PDE8B: variants seen among roughly 807,000 people sequenced by gnomAD.
PDE8B encodes the protein phosphodiesterase 8B, also known as high affinity cAMP-specific and IBMX-insensitive 3',5'-cyclic phosphodiesterase 8B.
PDE8B carries 26 observed loss-of-function variants against 101.3 expected under a neutral mutation model. The ratio of observed to expected loss-of-function variants is 0.26; its 90% CI spans 0.19 to 0.36. The LOEUF is 0.36. Among genes scored for constraint, PDE8B ranks in the 10% least tolerant of loss-of-function variants. PDE8B has a pLI of 1.00. For synonymous variants in PDE8B, 424 were observed against 429.3 expected (o/e 0.99, Z 0.15); for missense variants, 810 against 1,163.1 (o/e 0.70, Z 4.42).
intron 17 of PDE8B, among the ~76,000 whole-genome samples, chr5:77,415,351 A>ATTTTTTTTTTTTTTTTTTTTTTTTT (rs71606293): frequency 2.3e-5 from 2 of 88,736 alleles, no homozygotes; most frequent in Non-Finnish European, 2.1e-5. Context: ...ATAAGCTAAA[A>ATTTTTTTTTTTTTTTTTTTTTTTTT]TTTTTTTTTT....
chr5:77,310,593 G>T (rs1248182518), intron 1 of PDE8B, among the ~76,000 whole-genome samples: 2 of 152,244 alleles, frequency 1.3e-5, no homozygotes, highest in Non-Finnish European at 2.9e-5. Context: ...AAAGCCTCCA[G>T]TTGGTTTTCA....
the PDE8B span, among the ~76,000 whole-genome samples, chr5:77,135,095 G>A: frequency 2.6e-5 from 4 of 152,172 alleles, no homozygotes; most frequent in Admixed American, 6.5e-5. Context: ...CCTGATGTGA[G>A]GCTACTCTAA....
intron 19 of PDE8B, among the ~76,000 whole-genome samples, chr5:77,421,035 G>A (rs1464161664): frequency 1.3e-5 from 2 of 152,180 alleles, no homozygotes; most frequent in Admixed American, 1.3e-4. Context: ...TAAAAGTGGA[G>A]AATAACAATC....
At chr5:77,369,577 G>A (rs1784732365) in intron 10 of PDE8B, among the ~76,000 whole-genome samples, 1 of 152,140 alleles carries the variant, frequency 6.6e-6, no homozygotes, top group African/African-American at 2.4e-5. Flanking sequence ...TTTGTTTTGG[G>A]ACAGGCCCTA....
chr5:77,252,552 T>C (rs1758269402), intron 1 of PDE8B, among the ~76,000 whole-genome samples: 1 of 152,226 alleles, frequency 6.6e-6, no homozygotes. Flanking sequence ...GAAGTGGAAG[T>C]TCCCCATTCT....
At chr5:77,325,794 A>G (rs114701573) in intron 3 of PDE8B, 65 bp downstream of exon 3, 1 of 1,076,354 alleles carries the variant, frequency 9.3e-7, no homozygotes, top group African/African-American at 1.6e-5. Flanking sequence ...AATTTCATTT[A>G]TAGATATCTT....
chr5:77,199,227 T>C, the PDE8B span, among the ~76,000 whole-genome samples: 1 of 152,208 alleles, frequency 6.6e-6, no homozygotes. Context: ...ATTAAAAATG[T>C]AATCAGTGTG....
chr5:77,307,583 C>G (rs1771530236), intron 1 of PDE8B, among the ~76,000 whole-genome samples: 1 of 152,082 alleles, frequency 6.6e-6, no homozygotes, highest in Non-Finnish European at 1.5e-5. Flanking sequence ...TCAACAAATG[C>G]TACAAAATAG....
intron 11 of PDE8B, among the ~76,000 whole-genome samples, chr5:77,402,880 A>G (rs1792588593): frequency 6.6e-6 from 1 of 152,228 alleles, no homozygotes; most frequent in African/African-American, 2.4e-5. Context: ...GGTTTCCTTA[A>G]CTACTAGGCT....
At chr5:77,389,599 T>C (rs1789475469) in intron 10 of PDE8B, among the ~76,000 whole-genome samples, 1 of 152,162 alleles carries the variant, frequency 6.6e-6, no homozygotes, top group Non-Finnish European at 1.5e-5. Context: ...ATATTAAACC[T>C]TGCCGTCCCA....
intron 1 of PDE8B, among the ~76,000 whole-genome samples, chr5:77,229,894 A>G (rs188064338): frequency 6.6e-6 from 1 of 152,364 alleles, no homozygotes; most frequent in Admixed American, 6.5e-5. Context: ...TAATGCTGCT[A>G]TGAACATTCT....
chr5:77,412,861 G>A (rs532320276), intron 16 of PDE8B, among the ~76,000 whole-genome samples: 2 of 152,164 alleles, frequency 1.3e-5, no homozygotes, highest in African/African-American at 4.8e-5. Context: ...CAGAGCCACT[G>A]AGGGGCCTAT....
At chr5:77,244,397 A>G (rs1329902714) in intron 1 of PDE8B, among the ~76,000 whole-genome samples, 1 of 152,046 alleles carries the variant, frequency 6.6e-6, no homozygotes, top group Non-Finnish European at 1.5e-5. Flanking sequence ...ACGTATAGAG[A>G]TGGGACCAGG....
chr5:77,409,227 T>C (rs1394414247), intron 14 of PDE8B, among the ~76,000 whole-genome samples, 170 bp downstream of exon 14: 1 of 152,208 alleles, frequency 6.6e-6, no homozygotes, highest in Non-Finnish European at 1.5e-5. Context: ...TGCAGTGGTA[T>C]TTGAGTGACT....
At chr5:77,330,884 A>G (rs1220735202) in intron 4 of PDE8B, among the ~76,000 whole-genome samples, 1 of 152,036 alleles carries the variant, frequency 6.6e-6, no homozygotes, top group Non-Finnish European at 1.5e-5. Context: ...GCAATTATCC[A>G]TTTTTGTTTT....
At chr5:77,321,577 G>C (rs183954962) in intron 2 of PDE8B, among the ~76,000 whole-genome samples, 1 of 152,244 alleles carries the variant, frequency 6.6e-6, no homozygotes, top group Admixed American at 6.5e-5. Context: ...GGAACAAAGA[G>C]TCCAATTTGG....
chr5:77,096,936 A>G, the PDE8B span, among the ~76,000 whole-genome samples: 1 of 152,222 alleles, frequency 6.6e-6, no homozygotes, highest in African/African-American at 2.4e-5. Flanking sequence ...TAGGACTTCA[A>G]CAGATCTTTT....
chr5:77,168,153 G>A, the PDE8B span, among the ~76,000 whole-genome samples: 8 of 152,302 alleles, frequency 5.3e-5, no homozygotes, highest in African/African-American at 1.7e-4. Context: ...AGACAGGGAC[G>A]ATACGAGAGT....
At chr5:77,222,183 C>T (rs972133217) in intron 1 of PDE8B, among the ~76,000 whole-genome samples, 1 of 152,192 alleles carries the variant, frequency 6.6e-6, no homozygotes, top group African/African-American at 2.4e-5. Flanking sequence ...CATGATTTCT[C>T]CTTGCACGGT....
Sources: allele counts gnomAD v4.1 joint callset (sites outside exome capture counted in the v4.1 genomes callset), GRCh38; gene constraint gnomAD v4.1.1; transcripts MANE v1.5; gene names NCBI Gene and HGNC (gene_info 2026-07-23, HGNC 2026-07-21).